The following IFT81 variants were observed in gnomAD, a reference collection of about 807,000 sequenced individuals.
The protein encoded by IFT81 is intraflagellar transport protein 81 homolog.
Under a neutral mutation model 102.6 loss-of-function variants are expected in IFT81, and 72 were observed. That is an observed-to-expected ratio of 0.70 (90% CI 0.58 to 0.85). The LOEUF is 0.85. Among genes scored for constraint, IFT81 ranks in the 40% least tolerant of loss-of-function variants. The pLI is 0.00. For missense variants in IFT81, 723 were observed against 787.3 expected, an observed-to-expected ratio of 0.92 and a Z score of 0.98; for synonymous variants, 237 against 242.7, an observed-to-expected ratio of 0.98 and a Z score of 0.22.
intron 12 of IFT81, among the ~76,000 whole-genome samples, chr12:110,181,718 C>T (rs1897318842): frequency 6.6e-6 from 1 of 152,156 alleles, no homozygotes; most frequent in Non-Finnish European, 1.5e-5. Flanking sequence ...TTAAAAATCT[C>T]TAACTATAAT....
intron 8 of IFT81, among the ~76,000 whole-genome samples, 196 bp from the exon 9 acceptor site, chr12:110,143,186 A>C (rs1894998733): frequency 6.6e-6 from 1 of 152,136 alleles, no homozygotes; most frequent in Non-Finnish European, 1.5e-5. Flanking sequence ...TCTTCCATGT[A>C]AATTATGTTT....
intron 8 of IFT81, among the ~76,000 whole-genome samples, chr12:110,138,704 A>T (rs1444496059): frequency 6.6e-6 from 1 of 152,222 alleles, no homozygotes; most frequent in Non-Finnish European, 1.5e-5. Flanking sequence ...AAGTGTTAGG[A>T]TTATAGGCGT....
chr12:110,211,926 C>T (rs909326356), intron 18 of IFT81, among the ~76,000 whole-genome samples: 3 of 152,044 alleles, frequency 2.0e-5, no homozygotes, highest in African/African-American at 7.2e-5. Context: ...ATTCTGAAAC[C>T]TGTAAATGAT....
At chr12:110,211,010 C>T (rs1332521200) in intron 18 of IFT81, among the ~76,000 whole-genome samples, 1 of 147,560 alleles carries the variant, frequency 6.8e-6, no homozygotes, top group African/African-American at 2.5e-5. Flanking sequence ...AGCATGCCAC[C>T]ATGCCCAGCT....
chr12:110,130,660 C>T (rs1160640894), intron 4 of IFT81, among the ~76,000 whole-genome samples: 1 of 152,084 alleles, frequency 6.6e-6, no homozygotes. Flanking sequence ...AGCCACGGTG[C>T]ACGACCTGAT....
chr12:110,125,606 G>T (rs1893786152), intron 1 of IFT81, among the ~76,000 whole-genome samples: 1 of 152,152 alleles, frequency 6.6e-6, no homozygotes. Flanking sequence ...TGTTGGCCAG[G>T]CTGGCCTCGA....
chr12:110,154,628 C>CAAA (rs201856295), intron 10 of IFT81, among the ~76,000 whole-genome samples: 1 of 53,658 alleles, frequency 1.9e-5, no homozygotes, highest in Non-Finnish European at 4.0e-5. Context: ...CTCTGTCTCA[C>CAAA]AAAAAAAAAA....
intron 10 of IFT81, 118 bp downstream of exon 10, chr12:110,147,166 C>T: frequency 1.4e-6 from 1 of 695,914 alleles, no homozygotes. Flanking sequence ...TGTTCTGTCA[C>T]TGCTAATCTC....
chr12:110,150,688 T>C (rs1444376358), intron 10 of IFT81, among the ~76,000 whole-genome samples: 1 of 152,212 alleles, frequency 6.6e-6, no homozygotes, highest in Non-Finnish European at 1.5e-5. Context: ...AGAATAAAAG[T>C]ACCAGTAATA....
rs1338025080 is a variant in IFT81, at chr12:110,180,577, A to G, written c.1338+6A>G. On this transcript the variant is annotated splice_donor_region_variant and intron_variant, in intron 12 of 18. Coordinates refer to ENST00000242591, the MANE Select transcript of IFT81 (RefSeq NM_014055.4). ...AAAATATTCAACAACAACTGGTAAT[A>G]CAGTATTATCTTGGGCTACTATAAA... The G allele has an allele frequency of 1.3e-6, 2 of 1,593,892 alleles. No individual in the cohort carries two copies. The highest frequency in any genetic ancestry group is 1.7e-6 in the Non-Finnish European group (2 of 1,165,942).
intron 11 of IFT81, chr12:110,171,878 C>G (rs1896749424): frequency 6.6e-6 from 1 of 152,162 alleles, no homozygotes; most frequent in South Asian, 2.1e-4. Flanking sequence ...TATATTCATG[C>G]CACTCCTAAA....
chr12:110,174,503 A>G (rs1419158127), intron 11 of IFT81, among the ~76,000 whole-genome samples: 11 of 151,768 alleles, frequency 7.2e-5, no homozygotes, highest in Non-Finnish European at 1.3e-4. Flanking sequence ...TAAACAATGT[A>G]AAGTGCTTAT....
At chr12:110,130,558 T>TG (rs1161365543) in intron 4 of IFT81, among the ~76,000 whole-genome samples, 7 of 152,018 alleles carry the variant, frequency 4.6e-5, no homozygotes, top group Non-Finnish European at 7.4e-5. Flanking sequence ...TTAGCAGAGA[T>TG]GGGGTTTCAT....
chr12:110,138,960 T>G (rs895868488), intron 8 of IFT81, among the ~76,000 whole-genome samples: 1 of 152,172 alleles, frequency 6.6e-6, no homozygotes, highest in African/African-American at 2.4e-5. Flanking sequence ...AAGTTAAATT[T>G]TTTAAGAGAG....
chr12:110,136,922 C>T, intron 8 of IFT81, 62 bp downstream of exon 8: 4 of 1,015,528 alleles, frequency 3.9e-6, no homozygotes, highest in Non-Finnish European at 5.8e-6. Flanking sequence ...TCACGATCTT[C>T]CTAAAAAATC....
At chr12:110,182,674 C>A (rs1469145538) in intron 12 of IFT81, among the ~76,000 whole-genome samples, 1 of 152,180 alleles carries the variant, frequency 6.6e-6, no homozygotes, top group South Asian at 2.1e-4. Context: ...TCTTTGCCTG[C>A]TGATCTATTG....
At chr12:110,176,279 C>T (rs1397994322) in intron 11 of IFT81, among the ~76,000 whole-genome samples, 3 of 152,174 alleles carry the variant, frequency 2.0e-5, no homozygotes, top group Admixed American at 6.5e-5. Flanking sequence ...CTTTGACCTC[C>T]GGACCCTGTA....
intron 10 of IFT81, among the ~76,000 whole-genome samples, chr12:110,161,802 C>T (rs561942870): frequency 6.6e-6 from 1 of 152,180 alleles, no homozygotes; most frequent in South Asian, 2.1e-4. Flanking sequence ...AACATTGCTT[C>T]ATGATCACCT....
chr12:110,203,651 C>T, intron 14 of IFT81: 2 of 548,504 alleles, frequency 3.6e-6, no homozygotes, highest in East Asian at 3.2e-5. Flanking sequence ...AACAAAGAAC[C>T]TGGCACACAG....
Sources: gnomAD v4.1 joint callset for allele counts (sites outside exome capture counted in the v4.1 genomes callset) on GRCh38, gnomAD v4.1.1 for gene constraint, MANE v1.5 for transcripts, NCBI Gene and HGNC (gene_info 2026-07-23, HGNC 2026-07-21) for gene names.